The following CRIM1 variants were observed in gnomAD, a reference collection of about 807,000 sequenced individuals.
The protein encoded by CRIM1 is cysteine rich transmembrane BMP regulator 1, also known as cysteine-rich motor neuron 1 protein.
Under a neutral mutation model 116.4 loss-of-function variants are expected in CRIM1, and 32 were observed. The observed-to-expected ratio is 0.27, with a 90% CI of 0.21 to 0.37. The LOEUF is 0.37. Among genes scored for constraint, CRIM1 ranks in the 10% least tolerant of loss-of-function variants. CRIM1 has a pLI of 1.00. For synonymous variants in CRIM1, 590 were observed against 509.2 expected (o/e 1.16, Z -2.13); for missense variants, 1,331 against 1,354.8 (o/e 0.98, Z 0.28).
At chr2:36,529,042 TCCAGCC>T in intron 13 of CRIM1, 1 of 466,404 alleles carries the variant, frequency 2.1e-6, no homozygotes, top group South Asian at 1.6e-5. Context: ...TGTGCTCCGC[TCCAGCC>T]CCACGTTCTT....
At chr2:36,364,888 G>T (rs1166013689) in intron 1 of CRIM1, among the ~76,000 whole-genome samples, 1 of 151,932 alleles carries the variant, frequency 6.6e-6, no homozygotes, top group Non-Finnish European at 1.5e-5. Flanking sequence ...GTACCAAATA[G>T]ATTTTTTAAA....
chr2:36,453,231 G>A (rs977912360), intron 4 of CRIM1, among the ~76,000 whole-genome samples: 9 of 152,232 alleles, frequency 5.9e-5, no homozygotes, highest in African/African-American at 2.2e-4. Flanking sequence ...GAACCCAGGA[G>A]GTAGAGACAG....
In CRIM1 at chr2:36,474,847, C is replaced by CAAAAAAAAAAAAAAAA. The variant is rs56084308; in HGVS notation, c.992-2038_992-2023dup. 1.2e-3 allele frequency among the ~76,000 whole-genome samples: 113 copies of CAAAAAAAAAAAAAAAA among 90,720 alleles called. 10 individuals are homozygous for CAAAAAAAAAAAAAAAA. Among genetic ancestry groups the CAAAAAAAAAAAAAAAA allele is most frequent in the African/African-American group, 4.5e-3 (102 of 22,616 alleles). 59.5% of individuals were successfully genotyped at this position (90,720 alleles called of 152,430 possible). A position where few individuals can be genotyped will look rare whatever the true frequency, so the allele number is the denominator to read the frequency against. ...TGGGTGACAGAGTGAGACTCTATATCAAAAAAAAAAAAAAAAAAAGACTTT... is the reference window on the plus strand; with the variant it reads ...TGGGTGACAGAGTGAGACTCTATATCAAAAAAAAAAAAAAAAAAAAAAAAAAAAAAAAAAAGACTTT... On this transcript the variant is annotated intron_variant, in intron 5 of 16. Transcript: ENST00000280527.
rs770825553 is a variant in CRIM1, at chr2:36,499,318, A to G, written c.1472A>G (p.Asn491Ser). 11 of 1,614,150 alleles carry G rather than the reference A, an allele frequency of 6.8e-6. No individual in the cohort carries two copies. Among genetic ancestry groups the G allele is most frequent in the African/African-American group, 1.3e-5 (1 of 75,044 alleles). ...DCINGFKRDHNGCRTCQCINT... is the reference protein window; with the variant it reads ...DCINGFKRDHSGCRTCQCINT... Reference sequence around the variant, plus strand: ...ATTAATGGTTTCAAACGCGATCACAATGGTTGTCGGACCTGTCAGTGCATA... The same window carrying G: ...ATTAATGGTTTCAAACGCGATCACAGTGGTTGTCGGACCTGTCAGTGCATA... Residue 491 changes from asparagine (N) to serine (S), a missense_variant, in exon 8 of 17, where the codon AAT (asparagine) becomes AGT (serine). Physicochemically the swap from Asn to Ser is conservative, Grantham distance 46 (BLOSUM62 1). Coordinates refer to ENST00000280527, the MANE Select transcript of CRIM1 (RefSeq NM_016441.3).
rs1174602979 is a variant in CRIM1, at chr2:36,356,204, C to T, written c.-89C>T. 2 of 543,228 alleles carry T rather than the reference C, an allele frequency of 3.7e-6. No homozygotes were observed. Among genetic ancestry groups the T allele is most frequent in the Non-Finnish European group, 5.3e-6 (2 of 378,528 alleles). 33.7% of individuals were successfully genotyped at this position (543,228 alleles called of 1,614,324 possible). On this transcript the variant is annotated 5_prime_UTR_variant, in exon 1 of 17. Transcript: ENST00000280527. This position sits in a 1 kb window ranked among gnomAD's most constrained non-coding sequence, Gnocchi z 4.3. The stretch of plus-strand genomic sequence containing the variant: ...TGAGGACCGCGGGCTGCTGGTGCGG[C>T]GGCGGCGGCGCGTGTGCCCCGCGCA...
chr2:36,520,869 G>T (rs535089581), intron 12 of CRIM1, among the ~76,000 whole-genome samples: 1 of 152,186 alleles, frequency 6.6e-6, no homozygotes, highest in Non-Finnish European at 1.5e-5. Flanking sequence ...GTTGTTTCTG[G>T]TTCTTGACTA....
chr2:36,540,533 A>AG (rs998084650), intron 14 of CRIM1, among the ~76,000 whole-genome samples: 1 of 151,472 alleles, frequency 6.6e-6, no homozygotes, highest in Non-Finnish European at 1.5e-5. Flanking sequence ...TCTAAGGTCA[A>AG]GGCCAGTGCC....
intron 1 of CRIM1, among the ~76,000 whole-genome samples, chr2:36,371,573 G>A (rs2148306159): frequency 1.3e-5 from 2 of 152,332 alleles, no homozygotes; most frequent in Middle Eastern, 3.4e-3. Context: ...CATTGCAGGA[G>A]GAAGCTCAAA....
intron 2 of CRIM1, among the ~76,000 whole-genome samples, chr2:36,406,528 T>C (rs934838445): frequency 6.6e-6 from 1 of 151,988 alleles, no homozygotes; most frequent in South Asian, 2.1e-4. Context: ...TCCAGATCCT[T>C]TGCTCATGTC....
At chr2:36,404,813 A>T (rs981818454) in intron 2 of CRIM1, among the ~76,000 whole-genome samples, 2 of 152,210 alleles carry the variant, frequency 1.3e-5, no homozygotes, top group Non-Finnish European at 2.9e-5. Context: ...AAAAGCGCAG[A>T]TAACAGTTGC....
Position 36,522,224 on chromosome 2 carries a change from G to C in CRIM1, c.2339G>C (p.Ser780Thr). The change falls in exon 13 of 17, where the codon AGC (serine) becomes ACC (threonine). Residue 780 changes from serine to threonine, a missense_variant. Physicochemically the swap from Ser to Thr is moderately conservative, Grantham distance 58. This residue lies in a region of CRIM1 where 358 missense variants were observed against 436.1 expected (regional missense o/e 0.82). Transcript: ENST00000280527. ...DVCTSCICID[S>T]VISCFSESCP... The stretch of plus-strand genomic sequence containing the variant: ...TGTACCAGCTGCATCTGCATTGATA[G>C]CGTAATTAGCTGTTTCTCTGAGTCC... 6.2e-7 allele frequency: 1 copy of C among 1,614,186 alleles called. No homozygotes were observed. Among genetic ancestry groups the C allele is most frequent in the Non-Finnish European group, 8.5e-7 (1 of 1,180,024 alleles).
At position 36,548,586 on chromosome 2, in the gene CRIM1, T is replaced by C. The variant is rs2125201657; in HGVS notation, c.2996T>C (p.Val999Ala). ...TGCAAGAAAGGAACCAGAGTCCAGG[T>C]GGACAGTTCCCAGAGAATGCTAAGA... ...VDCKKGTRVQVDSSQRMLRIA... is the reference protein window; with the variant it reads ...VDCKKGTRVQADSSQRMLRIA... The change falls in exon 17 of 17, where the codon GTG becomes GCG. Residue 999 changes from valine (V) to alanine (A), a missense_variant. Physicochemically the swap from Val to Ala is moderately conservative, Grantham distance 64. This residue lies in a region of CRIM1 where 283 missense variants were observed against 242.8 expected (regional missense o/e 1.17). Transcript: ENST00000280527. The C allele has an allele frequency of 1.9e-6, 3 of 1,612,064 alleles. No individual in the cohort carries two copies. The East Asian group carries it at 6.7e-5, about 36-fold the overall frequency.
intron 1 of CRIM1, among the ~76,000 whole-genome samples, chr2:36,360,152 T>A (rs1334597135): frequency 6.6e-6 from 1 of 152,202 alleles, no homozygotes; most frequent in Non-Finnish European, 1.5e-5. Context: ...TCTTCTCCCA[T>A]GTGTCATAGC....
Position 36,549,048 on chromosome 2 carries a change from G to C in CRIM1, c.*347G>C, listed in dbSNP as rs1572986405. The stretch of plus-strand genomic sequence containing the variant: ...GTTGGGAAGAAAAATTGGTCAGCTT[G>C]GCTCGGGGAGAAACCTGGTAACATA... On this transcript the variant is annotated 3_prime_UTR_variant, in exon 17 of 17. Coordinates refer to ENST00000280527, the MANE Select transcript of CRIM1 (RefSeq NM_016441.3). 6.0e-6 allele frequency: 1 copy of C among 165,594 alleles called. No individual in the cohort carries two copies. The highest frequency in any genetic ancestry group is 1.9e-4 in the South Asian group (1 of 5,246). 10.3% of individuals were successfully genotyped at this position (165,594 alleles called of 1,614,324 possible). A position where few individuals can be genotyped will look rare whatever the true frequency, so the allele number is the denominator to read the frequency against.
rs1438847895 is a variant in CRIM1 at position 36,540,134 on chromosome 2, C to G, written c.2623+2588C>G. 3.9e-5 allele frequency among the ~76,000 whole-genome samples: 6 copies of G among 152,080 alleles called. No homozygotes were observed. The East Asian group carries it at 1.2e-3, about 29-fold the overall frequency. On this transcript the variant is annotated intron_variant, in intron 14 of 16. Coordinates refer to ENST00000280527, the MANE Select transcript of CRIM1 (RefSeq NM_016441.3). ...TGGAAACCAGGTGGAGAAAGGGTTT[C>G]TGGTAGGAAAGAGTAAACTGCTCAA...
rs74939519 is a variant in CRIM1, at chr2:36,363,843, C to T, written c.331+7220C>T. 7.2e-3 allele frequency among the ~76,000 whole-genome samples: 1,096 copies of T among 152,220 alleles called. 10 individuals are homozygous for T. Among genetic ancestry groups the T allele is most frequent in the Non-Finnish European group, 0.012 (838 of 68,030 alleles). On this transcript the variant is annotated intron_variant, in intron 1 of 16. Transcript: ENST00000280527. ...GCCTGGCTTGAGCAAAGAAACAGCT[C>T]GACGCCATGGGGGCTATGGTTCCAA...
At chr2:36,367,205 T>C (rs1179465162) in intron 1 of CRIM1, among the ~76,000 whole-genome samples, 1 of 152,212 alleles carries the variant, frequency 6.6e-6, no homozygotes. Flanking sequence ...TGAGTTCCTA[T>C]ATTTCAGGCA....
intron 5 of CRIM1, among the ~76,000 whole-genome samples, chr2:36,470,462 T>G (rs1407076694): frequency 2.0e-5 from 3 of 152,208 alleles, no homozygotes; most frequent in Non-Finnish European, 4.4e-5. Context: ...CTGATTCTTA[T>G]TAGGGGCTAA....
intron 8 of CRIM1, among the ~76,000 whole-genome samples, chr2:36,501,302 T>C (rs1226629241): frequency 2.6e-5 from 4 of 152,178 alleles, no homozygotes; most frequent in Admixed American, 2.0e-4. Flanking sequence ...CCTTAATTAT[T>C]TGTCACTATT....
Sources: gnomAD v4.1 joint callset for allele counts (sites outside exome capture counted in the v4.1 genomes callset) on GRCh38, gnomAD v4.1.1 for gene constraint, gnomAD v4.1.1 regional missense constraint, Gnocchi (gnomAD v3.1) non-coding constraint, MANE v1.5 for transcripts, NCBI Gene and HGNC (gene_info 2026-07-23, HGNC 2026-07-21) for gene names.